The following NRG3 variants were observed in gnomAD, a reference collection of about 807,000 sequenced individuals.
The protein encoded by NRG3 is neuregulin 3.
NRG3 carries 31 observed loss-of-function variants against 66.9 expected under a neutral mutation model. The observed-to-expected ratio is 0.46, with a 90% CI of 0.35 to 0.63. The LOEUF is 0.63. NRG3 is among the 20% of genes least tolerant of loss of function. The pLI is 0.00. For synonymous variants in NRG3, 393 were observed against 359.4 expected (o/e 1.09, Z -1.06); for missense variants, 910 against 878.9 (o/e 1.04, Z -0.45).
At chr10:82,405,373 A>T (rs937439090) in intron 2 of NRG3, among the ~76,000 whole-genome samples, 2 of 151,746 alleles carry the variant, frequency 1.3e-5, no homozygotes, top group Non-Finnish European at 2.9e-5. Context: ...TGAAGGGTAG[A>T]GTAGGAAGAG....
intron 2 of NRG3, among the ~76,000 whole-genome samples, chr10:82,388,116 C>T (rs2086124478): frequency 6.6e-6 from 1 of 152,104 alleles, no homozygotes. Context: ...GATTCCACAA[C>T]ACAATTACTC....
In NRG3 at chr10:82,150,528, CA is replaced by C. The variant is rs1485166488; in HGVS notation, c.824-208210del. ...TGATTAACAAAGCAAAAAGAGCACA[CA>C]CAAAAAAAAAAAAAAAAAAAAAAAA... On this transcript the variant is annotated intron_variant, in intron 1 of 8. Transcript: ENST00000372141. Among the ~76,000 whole-genome samples, 8 of 51,726 alleles carry C rather than the reference CA, an allele frequency of 1.5e-4. No homozygotes were observed. The East Asian group carries it at 4.8e-3, about 31-fold the overall frequency. The allele number at this position is 51,726 out of a possible 152,430, so 33.9% of individuals were successfully genotyped here. A position where few individuals can be genotyped will look rare whatever the true frequency, so the allele number is the denominator to read the frequency against.
intron 1 of NRG3, among the ~76,000 whole-genome samples, chr10:82,269,708 C>T (rs373131713): frequency 7.2e-5 from 11 of 152,242 alleles, no homozygotes; most frequent in African/African-American, 2.2e-4. Context: ...CAAACTTCAG[C>T]GGGATCAAGA....
intron 2 of NRG3, among the ~76,000 whole-genome samples, chr10:82,607,142 A>G (rs543300524): frequency 5.7e-4 from 87 of 152,332 alleles, no homozygotes; most frequent in African/African-American, 2.0e-3. Flanking sequence ...GAGGTCCTGT[A>G]ACACTATCTG....
At chr10:82,548,481 G>A (rs1481590047) in intron 2 of NRG3, among the ~76,000 whole-genome samples, 3 of 150,314 alleles carry the variant, frequency 2.0e-5, no homozygotes, top group Non-Finnish European at 3.0e-5. Flanking sequence ...TTCAACAATA[G>A]CAATAATAAG....
At chr10:82,308,326 T>C (rs1001327575) in intron 1 of NRG3, among the ~76,000 whole-genome samples, 2 of 152,124 alleles carry the variant, frequency 1.3e-5, no homozygotes, top group Non-Finnish European at 2.9e-5. Context: ...TCACCTCAAG[T>C]GCTCTGCCTG....
At chr10:82,069,227 T>C (rs2064663287) in intron 1 of NRG3, among the ~76,000 whole-genome samples, 1 of 152,142 alleles carries the variant, frequency 6.6e-6, no homozygotes, top group South Asian at 2.1e-4. Flanking sequence ...TGGAGTTTCT[T>C]AGAAGCTTCA....
At chr10:82,279,833 GA>G (rs34548687) in intron 1 of NRG3, among the ~76,000 whole-genome samples, 1 of 152,172 alleles carries the variant, frequency 6.6e-6, no homozygotes. Flanking sequence ...TAGTTATTCT[GA>G]AAGTCAGTAA....
chr10:82,379,081 TG>T (rs1303456941), intron 2 of NRG3, among the ~76,000 whole-genome samples: 1 of 152,168 alleles, frequency 6.6e-6, no homozygotes, highest in Non-Finnish European at 1.5e-5. Context: ...AGTGATGGAC[TG>T]CACCCAAAGG....
At chr10:81,884,319 G>A (rs1256089914) in intron 1 of NRG3, among the ~76,000 whole-genome samples, 1 of 152,140 alleles carries the variant, frequency 6.6e-6, no homozygotes, top group Non-Finnish European at 1.5e-5. Flanking sequence ...GCTCTGATAT[G>A]GAGGAATCTA....
intron 1 of NRG3, among the ~76,000 whole-genome samples, chr10:82,009,238 T>G (rs978277678): frequency 1.3e-5 from 2 of 152,208 alleles, no homozygotes; most frequent in Middle Eastern, 3.2e-3. Context: ...ATGACATGCA[T>G]TATTGCTTCC....
chr10:81,877,630 A>G, intron 1 of NRG3: 1 of 1,162,950 alleles, frequency 8.6e-7, no homozygotes. Flanking sequence ...GAAAGGGGGA[A>G]AAAAAAGCAA....
chr10:82,143,482 G>C (rs528644847), intron 1 of NRG3, among the ~76,000 whole-genome samples: 12 of 152,284 alleles, frequency 7.9e-5, no homozygotes, highest in Non-Finnish European at 1.6e-4. Flanking sequence ...TGCCTGTATT[G>C]AAAGATTGTG....
intron 3 of NRG3, among the ~76,000 whole-genome samples, chr10:82,802,377 C>A (rs1246864862): frequency 1.3e-5 from 2 of 152,096 alleles, no homozygotes; most frequent in African/African-American, 4.8e-5. Flanking sequence ...CAGCTTGAGG[C>A]TACTCTGCAT....
At chr10:82,732,281 G>T (rs1485054030) in intron 2 of NRG3, among the ~76,000 whole-genome samples, 2 of 152,096 alleles carry the variant, frequency 1.3e-5, no homozygotes, top group East Asian at 3.8e-4. Flanking sequence ...CTGTGATATG[G>T]TTTGCTTAAG....
rs542060517 is a variant in NRG3 at position 81,918,974 on chromosome 10, A to AAC, written c.823+42831_823+42832dup. The stretch of plus-strand genomic sequence containing the variant: ...ATTAACTACTATTGCATCATAACAA[A>AAC]ACACACACACACACACACACATACA... On this transcript the variant is annotated intron_variant, in intron 1 of 8. Coordinates refer to ENST00000372141, the MANE Select transcript of NRG3 (RefSeq NM_001010848.4). 5.3e-3 allele frequency among the ~76,000 whole-genome samples: 801 copies of AAC among 150,138 alleles called. 2 individuals carry two copies. Among genetic ancestry groups the AAC allele is most frequent in the South Asian group, 0.014 (68 of 4,784 alleles).
chr10:82,931,909 C>T (rs1847613987), intron 4 of NRG3, among the ~76,000 whole-genome samples: 1 of 152,164 alleles, frequency 6.6e-6, no homozygotes, highest in East Asian at 1.9e-4. Flanking sequence ...GTATTTTCCT[C>T]ATACATCGTT....
At chr10:81,965,190 A>T (rs1793288889) in intron 1 of NRG3, among the ~76,000 whole-genome samples, 1 of 152,184 alleles carries the variant, frequency 6.6e-6, no homozygotes, top group Non-Finnish European at 1.5e-5. Context: ...CACAGGCCTG[A>T]GTTTTTGCTG....
At chr10:82,368,916 G>T (rs2084709013) in intron 2 of NRG3, among the ~76,000 whole-genome samples, 1 of 138,224 alleles carries the variant, frequency 7.2e-6, no homozygotes, top group African/African-American at 3.4e-5. Flanking sequence ...GATAAAGATG[G>T]CTCAGCTGTT....
Sources: gnomAD v4.1 joint callset for allele counts (sites outside exome capture counted in the v4.1 genomes callset) on GRCh38, gnomAD v4.1.1 for gene constraint, MANE v1.5 for transcripts, NCBI Gene and HGNC (gene_info 2026-07-23, HGNC 2026-07-21) for gene names.